ANKFN1: variants seen among roughly 807,000 people sequenced by gnomAD.
ANKFN1 encodes ankyrin repeat and fibronectin type-III domain-containing protein 1.
Under a neutral mutation model 108.7 loss-of-function variants are expected in ANKFN1, and 74 were observed. That is an observed-to-expected ratio of 0.68 (90% CI 0.56 to 0.83). The LOEUF is 0.83. ANKFN1 is among the 40% of genes least tolerant of loss of function. The pLI is 0.00. For synonymous variants in ANKFN1, 547 were observed against 516.2 expected (o/e 1.06, Z -0.81); for missense variants, 1,505 against 1,382.3 (o/e 1.09, Z -1.41).
intron 10 of ANKFN1, among the ~76,000 whole-genome samples, chr17:56,445,656 A>C (rs2049262857): frequency 6.6e-6 from 1 of 152,204 alleles, no homozygotes; most frequent in African/African-American, 2.4e-5. Flanking sequence ...ACTAGAGGAC[A>C]ATGTATTCTA....
intron 11 of ANKFN1, among the ~76,000 whole-genome samples, chr17:56,455,459 C>G (rs182542618): frequency 6.5e-4 from 99 of 152,316 alleles, no homozygotes; most frequent in African/African-American, 2.3e-3. Context: ...TTGTGTCAGT[C>G]AGCTGTTCCT....
chr17:56,501,521 T>C (rs2051369655), intron 20 of ANKFN1, among the ~76,000 whole-genome samples: 1 of 151,954 alleles, frequency 6.6e-6, no homozygotes. Flanking sequence ...GCTTGGGTGG[T>C]TGGGCATGTT....
Position 56,135,730 on chromosome 17 carries a change from A to AAACCC in ANKFN1, c.288+89405_288+89406insAACCC, listed in dbSNP as rs562956450. On this transcript the variant is annotated intron_variant, in intron 4 of 12. Coordinates refer to the ANKFN1 transcript ENST00000635860. Reference sequence around the variant, plus strand: ...TTTGTGTTTCTCTTCCTCTGAAGTTATTGATTAAGGGTTCTATTTACTCTA... The same window carrying AAACCC: ...TTTGTGTTTCTCTTCCTCTGAAGTTAAACCCTTGATTAAGGGTTCTATTTACTCTA... 2.1e-3 allele frequency among the ~76,000 whole-genome samples: 316 copies of AAACCC among 152,262 alleles called. 3 individuals carry two copies. The highest frequency in any genetic ancestry group is 7.1e-3 in the African/African-American group (297 of 41,556).
At chr17:56,507,650 G>C (rs192643215) in intron 20 of ANKFN1, among the ~76,000 whole-genome samples, 3 of 151,898 alleles carry the variant, frequency 2.0e-5, no homozygotes, top group Admixed American at 2.0e-4. Flanking sequence ...ACCCAAATCA[G>C]GACTGAAATT....
chr17:56,047,844 G>C (rs903542044), intron 4 of ANKFN1, among the ~76,000 whole-genome samples: 1 of 152,178 alleles, frequency 6.6e-6, no homozygotes, highest in Non-Finnish European at 1.5e-5. Flanking sequence ...AGGTTGAGAA[G>C]ACCTAATTTA....
At chr17:56,298,366 A>T (rs1013105301) in intron 3 of ANKFN1, among the ~76,000 whole-genome samples, 1 of 152,234 alleles carries the variant, frequency 6.6e-6, no homozygotes, top group Non-Finnish European at 1.5e-5. Context: ...ATATTTAGAT[A>T]AAAAAGTCAA....
rs1375794476 is a variant in ANKFN1 at position 56,119,539 on chromosome 17, A to G, written c.288+73214A>G. Among the ~76,000 whole-genome samples the G allele has an allele frequency of 3.9e-5, 6 of 152,274 alleles. No homozygotes were observed. In the East Asian group the frequency reaches 1.2e-3, roughly 29 times the overall value. ...ACTCTTTTTAAAAGCTTGGTAGAGA[A>G]GAATCTGGAATAGGGCAGTAACTAG... On this transcript the variant is annotated intron_variant, in intron 4 of 12. Transcript: ENST00000635860.
At chr17:56,162,386 G>A (rs770609236) in intron 1 of ANKFN1, among the ~76,000 whole-genome samples, 1 of 152,206 alleles carries the variant, frequency 6.6e-6, no homozygotes, top group Non-Finnish European at 1.5e-5. Context: ...TTCTTCTGAG[G>A]ACTATGAGGG....
intron 4 of ANKFN1, among the ~76,000 whole-genome samples, chr17:56,065,272 T>C (rs953223992): frequency 6.6e-6 from 1 of 152,232 alleles, no homozygotes; most frequent in Non-Finnish European, 1.5e-5. Context: ...GGCCTTGCTC[T>C]AGACAAGGCT....
chr17:56,348,073 G>A (rs2046152805), intron 4 of ANKFN1, among the ~76,000 whole-genome samples: 1 of 151,998 alleles, frequency 6.6e-6, no homozygotes, highest in African/African-American at 2.4e-5. Flanking sequence ...ATCCCCATGT[G>A]AGCCAGCTTG....
At chr17:56,296,550 G>T (rs193185671) in intron 3 of ANKFN1, among the ~76,000 whole-genome samples, 113 of 152,274 alleles carry the variant, frequency 7.4e-4, no homozygotes, top group African/African-American at 2.6e-3. Flanking sequence ...CACATGTGGT[G>T]GCGCATGCCT....
intron 3 of ANKFN1, among the ~76,000 whole-genome samples, chr17:56,314,753 T>A (rs9900375): frequency 2.0e-5 from 3 of 151,920 alleles, no homozygotes; most frequent in African/African-American, 7.3e-5. Flanking sequence ...CCTACAATGG[T>A]TCTCAAGCTC....
chr17:56,382,763 C>G (rs1313451582), intron 8 of ANKFN1, among the ~76,000 whole-genome samples: 2 of 152,272 alleles, frequency 1.3e-5, no homozygotes, highest in East Asian at 1.9e-4. Context: ...GGGATCAACT[C>G]AACAAGAAGA....
At chr17:56,175,154 A>T (rs1049204391) in intron 1 of ANKFN1, among the ~76,000 whole-genome samples, 4 of 152,236 alleles carry the variant, frequency 2.6e-5, no homozygotes, top group African/African-American at 9.6e-5. Flanking sequence ...TTACTTATAC[A>T]TAGTAAGATA....
At chr17:56,473,409 T>G (rs1022125557) in intron 15 of ANKFN1, 1 of 152,170 alleles carries the variant, frequency 6.6e-6, no homozygotes, top group Non-Finnish European at 1.5e-5. Context: ...ACACCTATAA[T>G]CCCAGCACTT....
chr17:56,220,029 C>T (rs747822428), intron 2 of ANKFN1, among the ~76,000 whole-genome samples: 6 of 152,192 alleles, frequency 3.9e-5, no homozygotes, highest in Non-Finnish European at 7.4e-5. Context: ...CTTGTTTCCT[C>T]CAGTAACTTA....
chr17:56,263,941 C>T (rs537432344), intron 3 of ANKFN1, among the ~76,000 whole-genome samples: 14 of 152,266 alleles, frequency 9.2e-5, no homozygotes, highest in Admixed American at 2.0e-4. Context: ...TCTGAGGCTG[C>T]CATTGTGACA....
At chr17:56,113,597 G>A (rs1431320) in intron 4 of ANKFN1, among the ~76,000 whole-genome samples, 79,598 of 151,938 alleles carry the variant, frequency 0.52, 21,199 homozygotes, top group East Asian at 0.81. Context: ...ATTCTCATCC[G>A]TAAAATGGAA....
At chr17:56,346,221 G>A (rs1025866154) in intron 4 of ANKFN1, among the ~76,000 whole-genome samples, 2 of 151,968 alleles carry the variant, frequency 1.3e-5, no homozygotes, top group South Asian at 4.2e-4. Flanking sequence ...TTACTTCTGA[G>A]GTCTCTGTTC....
Sources: allele counts gnomAD v4.1 joint callset (sites outside exome capture counted in the v4.1 genomes callset), GRCh38; gene constraint gnomAD v4.1.1; transcripts MANE v1.5; gene names NCBI Gene and HGNC (gene_info 2026-07-23, HGNC 2026-07-21).